The following ADAM12 variants were observed in gnomAD, a reference collection of about 807,000 sequenced individuals.
The protein encoded by ADAM12 is disintegrin and metalloproteinase domain-containing protein 12.
A neutral mutation model predicts 106.4 loss-of-function variants in ADAM12; 70 were observed. The ratio of observed to expected loss-of-function variants is 0.66; its 90% CI spans 0.54 to 0.80. The LOEUF is 0.80. Among genes scored for constraint, ADAM12 ranks in the 30% least tolerant of loss-of-function variants. ADAM12 has a pLI of 0.00. For synonymous variants in ADAM12, 420 were observed against 433.5 expected, an observed-to-expected ratio of 0.97 and a Z score of 0.39; for missense variants, 1,010 against 1,171.9, an observed-to-expected ratio of 0.86 and a Z score of 2.02.
chr10:126,318,596 A>G (rs896770705), intron 2 of ADAM12, among the ~76,000 whole-genome samples: 1 of 152,142 alleles, frequency 6.6e-6, no homozygotes, highest in Non-Finnish European at 1.5e-5. Flanking sequence ...ACACTCTCTC[A>G]CACACCTTCA....
intron 4 of ADAM12, 65 bp from the exon 5 acceptor site, chr10:126,135,725 C>CAACT (rs1282170741): frequency 1.2e-4 from 163 of 1,347,772 alleles, no homozygotes; most frequent in South Asian, 2.3e-4. Context: ...TATAATAAAT[C>CAACT]AACTGCCTCT....
intron 3 of ADAM12, among the ~76,000 whole-genome samples, chr10:126,180,007 A>C (rs1476827156): frequency 6.6e-6 from 1 of 152,216 alleles, no homozygotes; most frequent in Non-Finnish European, 1.5e-5. Flanking sequence ...GTATTCTTCA[A>C]AGAAAACTAT....
chr10:126,107,940 A>C (rs1464278110), intron 8 of ADAM12, among the ~76,000 whole-genome samples: 1 of 152,104 alleles, frequency 6.6e-6, no homozygotes, highest in Non-Finnish European at 1.5e-5. Context: ...GAGCGCTGCC[A>C]TTTTCTTTGC....
At chr10:126,017,461 C>G in intron 22 of ADAM12, 122 bp from the exon 23 acceptor site, 1 of 862,674 alleles carries the variant, frequency 1.2e-6, no homozygotes, top group Non-Finnish European at 1.7e-6. Flanking sequence ...TCAGATACCA[C>G]TGCCCCTCAT....
chr10:126,098,635 G>A, intron 9 of ADAM12, 135 bp from the exon 10 acceptor site: 1 of 675,408 alleles, frequency 1.5e-6, no homozygotes, highest in Non-Finnish European at 2.5e-6. Flanking sequence ...ATATTCACAT[G>A]TGATTTTATC....
intron 4 of ADAM12, among the ~76,000 whole-genome samples, chr10:126,137,631 C>T: frequency 6.6e-6 from 1 of 152,216 alleles, no homozygotes; most frequent in Non-Finnish European, 1.5e-5. Context: ...GAAATGGAAT[C>T]ATACAATAAG....
At chr10:126,264,384 C>A (rs555568235) in intron 3 of ADAM12, among the ~76,000 whole-genome samples, 1 of 152,142 alleles carries the variant, frequency 6.6e-6, no homozygotes, top group African/African-American at 2.4e-5. Flanking sequence ...CTAAATAAAT[C>A]GTCTCCCCAG....
At chr10:126,018,134 T>C (rs1408620526) in intron 22 of ADAM12, among the ~76,000 whole-genome samples, 1 of 152,234 alleles carries the variant, frequency 6.6e-6, no homozygotes, top group East Asian at 1.9e-4. Flanking sequence ...GGGCCAAACA[T>C]TCTTCCCAAG....
intron 3 of ADAM12, among the ~76,000 whole-genome samples, chr10:126,161,476 T>G (rs914305915): frequency 6.6e-6 from 1 of 152,200 alleles, no homozygotes. Flanking sequence ...CAAGCAATAT[T>G]GACGGAGTGT....
chr10:126,108,228 T>C (rs1295778767), intron 8 of ADAM12, among the ~76,000 whole-genome samples: 1 of 152,162 alleles, frequency 6.6e-6, no homozygotes, highest in Non-Finnish European at 1.5e-5. Context: ...GCCTGTGGGA[T>C]CCGTCATCGG....
intron 20 of ADAM12, among the ~76,000 whole-genome samples, chr10:126,037,172 T>C (rs1212759947): frequency 6.6e-6 from 1 of 152,220 alleles, no homozygotes; most frequent in African/African-American, 2.4e-5. Context: ...ATCCTCAATG[T>C]TGTATACATC....
chr10:126,379,882 G>T (rs1422013227), intron 1 of ADAM12, among the ~76,000 whole-genome samples: 1 of 152,012 alleles, frequency 6.6e-6, no homozygotes, highest in Admixed American at 6.6e-5. Flanking sequence ...GAATCTTTTG[G>T]CCAAATTGCA....
At chr10:126,215,962 A>G (rs1011712851) in intron 3 of ADAM12, among the ~76,000 whole-genome samples, 6 of 152,132 alleles carry the variant, frequency 3.9e-5, no homozygotes, top group Admixed American at 1.3e-4. Context: ...AGACATCTGT[A>G]TTATTGTCAT....
intron 1 of ADAM12, among the ~76,000 whole-genome samples, chr10:126,337,317 T>C (rs949650696): frequency 6.6e-6 from 1 of 152,144 alleles, no homozygotes; most frequent in Non-Finnish European, 1.5e-5. Flanking sequence ...GCAGGAGGAA[T>C]GGGAAGAAGG....
chr10:126,353,176 C>T (rs889842587), intron 1 of ADAM12, among the ~76,000 whole-genome samples: 14 of 152,276 alleles, frequency 9.2e-5, no homozygotes, highest in African/African-American at 2.9e-4. Flanking sequence ...TGAGTGGAGA[C>T]TTGAACACTG....
intron 3 of ADAM12, among the ~76,000 whole-genome samples, chr10:126,167,039 C>T (rs1305995261): frequency 6.6e-6 from 1 of 152,170 alleles, no homozygotes; most frequent in East Asian, 1.9e-4. Context: ...AGTCATTTCT[C>T]TTAAACTTCA....
chr10:126,198,884 G>C (rs1295095247), intron 3 of ADAM12, among the ~76,000 whole-genome samples: 1 of 151,654 alleles, frequency 6.6e-6, no homozygotes, highest in African/African-American at 2.4e-5. Flanking sequence ...GAGAAAAGAG[G>C]AGAACATTTT....
At chr10:126,373,216 G>A (rs1412794403) in intron 1 of ADAM12, among the ~76,000 whole-genome samples, 2 of 152,144 alleles carry the variant, frequency 1.3e-5, no homozygotes, top group Non-Finnish European at 2.9e-5. Flanking sequence ...ATACACTCCT[G>A]GAAGGCTCAC....
At chr10:126,236,094 C>T (rs904565623) in intron 3 of ADAM12, among the ~76,000 whole-genome samples, 4 of 152,142 alleles carry the variant, frequency 2.6e-5, no homozygotes, top group South Asian at 2.1e-4. Context: ...GCCACCAGCG[C>T]GGAAGGAGGA....
Sources: gnomAD v4.1 joint callset for allele counts (sites outside exome capture counted in the v4.1 genomes callset) on GRCh38, gnomAD v4.1.1 for gene constraint, MANE v1.5 for transcripts, NCBI Gene and HGNC (gene_info 2026-07-23, HGNC 2026-07-21) for gene names.